The following FCHSD2 variants were observed in gnomAD, a reference collection of about 807,000 sequenced individuals.
The protein encoded by FCHSD2 is FCH and double SH3 domains 2.
In FCHSD2, 38 loss-of-function variants were observed where a neutral mutation model predicts 108.1. The observed-to-expected ratio is 0.35, with a 90% CI of 0.27 to 0.46. The LOEUF is 0.46. FCHSD2 is among the 20% of genes least tolerant of loss of function. The probability of loss-of-function intolerance (pLI) is 1.00; values close to 1 mark genes in which losing one functional copy is unlikely to be tolerated. For missense variants in FCHSD2, 751 were observed against 897.8 expected, an observed-to-expected ratio of 0.84 and a Z score of 2.09; for synonymous variants, 279 against 314.7, an observed-to-expected ratio of 0.89 and a Z score of 1.20.
rs80174420 is a variant in FCHSD2 at position 72,959,974 on chromosome 11, G to A, written c.705+24114C>T. Among the ~76,000 whole-genome samples, 23 of 151,996 alleles carry A rather than the reference G, an allele frequency of 1.5e-4. No individual in the cohort carries two copies. In the East Asian group the frequency reaches 3.3e-3, roughly 22 times the overall value. On this transcript the variant is annotated intron_variant, in intron 8 of 19. Coordinates refer to ENST00000409418, the MANE Select transcript of FCHSD2 (RefSeq NM_014824.3). ...ATGGTTTTAAAAGCACAGATATATAGGAAGAAACCTACACACTTCAAACAC... is the reference window on the plus strand; with the variant it reads ...ATGGTTTTAAAAGCACAGATATATAAGAAGAAACCTACACACTTCAAACAC...
At chr11:73,056,684 A>AT (rs1365139970) in intron 3 of FCHSD2, among the ~76,000 whole-genome samples, 3 of 152,368 alleles carry the variant, frequency 2.0e-5, no homozygotes, top group Non-Finnish European at 4.4e-5. Context: ...AGAAGAGAGC[A>AT]TAACAGAACA....
intron 3 of FCHSD2, among the ~76,000 whole-genome samples, chr11:73,080,941 T>C (rs939303226): frequency 6.6e-6 from 1 of 151,236 alleles, no homozygotes; most frequent in African/African-American, 2.4e-5. Context: ...AGAGCAAGAC[T>C]CTGTCTCAAA....
intron 12 of FCHSD2, among the ~76,000 whole-genome samples, chr11:72,887,197 T>A (rs982194139): frequency 6.6e-6 from 1 of 152,130 alleles, no homozygotes; most frequent in African/African-American, 2.4e-5. Context: ...TGGTTTATTA[T>A]GTACCTTTTA....
intron 19 of FCHSD2, 47 bp from the exon 20 acceptor site, chr11:72,838,921 G>T: frequency 6.6e-7 from 1 of 1,508,012 alleles, no homozygotes. Flanking sequence ...TCCTGACTCA[G>T]TATCTGAAGC....
intron 13 of FCHSD2, among the ~76,000 whole-genome samples, chr11:72,851,222 C>A (rs553431131): frequency 6.6e-6 from 1 of 151,788 alleles, no homozygotes; most frequent in African/African-American, 2.4e-5. Flanking sequence ...AACCTGTTCA[C>A]TGAAATTAAA....
intron 3 of FCHSD2, among the ~76,000 whole-genome samples, chr11:73,058,995 A>G (rs984248534): frequency 3.6e-4 from 55 of 152,190 alleles, no homozygotes; most frequent in African/African-American, 1.3e-3. Flanking sequence ...CATAAGGTGA[A>G]ATAGACTCAA....
chr11:72,926,817 C>T (rs1352608757), intron 8 of FCHSD2, among the ~76,000 whole-genome samples: 1 of 152,132 alleles, frequency 6.6e-6, no homozygotes, highest in African/African-American at 2.4e-5. Flanking sequence ...AAATACTGAA[C>T]TTTTGTTGAT....
chr11:72,838,946 A>C, intron 19 of FCHSD2, 72 bp from the exon 20 acceptor site: 6 of 1,383,612 alleles, frequency 4.3e-6, no homozygotes, highest in Non-Finnish European at 6.1e-6. Context: ...CCAAAACCTA[A>C]TCACTCATCT....
chr11:73,087,683 C>A (rs1419353692), intron 2 of FCHSD2, among the ~76,000 whole-genome samples: 9 of 146,888 alleles, frequency 6.1e-5, no homozygotes, highest in Middle Eastern at 3.2e-3. Context: ...CCAGCCTGGG[C>A]AACAGAGCGA....
intron 12 of FCHSD2, among the ~76,000 whole-genome samples, chr11:72,886,637 G>A (rs1261338747): frequency 1.3e-5 from 2 of 152,132 alleles, no homozygotes; most frequent in African/African-American, 4.8e-5. Context: ...TTGCTGCTGA[G>A]TAGATAAAAG....
intron 12 of FCHSD2, among the ~76,000 whole-genome samples, chr11:72,886,867 C>A (rs991215567): frequency 6.6e-6 from 1 of 152,182 alleles, no homozygotes; most frequent in Non-Finnish European, 1.5e-5. Context: ...AAACACTACA[C>A]AAAATGTACA....
chr11:73,127,573 T>A (rs1860888010), intron 2 of FCHSD2, among the ~76,000 whole-genome samples: 1 of 152,192 alleles, frequency 6.6e-6, no homozygotes, highest in African/African-American at 2.4e-5. Flanking sequence ...TAGAATGGCA[T>A]CTGTGGGGCT....
intron 12 of FCHSD2, among the ~76,000 whole-genome samples, chr11:72,886,563 A>G (rs1301885114): frequency 6.6e-6 from 1 of 152,178 alleles, no homozygotes; most frequent in East Asian, 1.9e-4. Context: ...CAAGAACCTA[A>G]TCTTTTAATG....
intron 10 of FCHSD2, among the ~76,000 whole-genome samples, chr11:72,896,354 T>C (rs1211974260): frequency 6.6e-6 from 1 of 152,216 alleles, no homozygotes; most frequent in Non-Finnish European, 1.5e-5. Flanking sequence ...TTATCTAAGT[T>C]TTGTGGACAT....
chr11:72,866,362 C>T (rs560940923), intron 13 of FCHSD2, among the ~76,000 whole-genome samples: 22 of 152,144 alleles, frequency 1.4e-4, no homozygotes, highest in African/African-American at 4.1e-4. Context: ...CTCTGCCTCC[C>T]GGGTTCAAGC....
chr11:72,888,700 C>T (rs991469868), intron 11 of FCHSD2, among the ~76,000 whole-genome samples: 138 of 151,626 alleles, frequency 9.1e-4, no homozygotes, highest in Non-Finnish European at 1.1e-3. Flanking sequence ...CTCAATGTAA[C>T]CTCCACCTCC....
At chr11:73,015,264 C>A (rs1857945121) in intron 4 of FCHSD2, among the ~76,000 whole-genome samples, 1 of 152,234 alleles carries the variant, frequency 6.6e-6, no homozygotes, top group South Asian at 2.1e-4. Context: ...TATTAACTAG[C>A]CACGTCTAAA....
chr11:72,912,731 C>A (rs1855788723), intron 9 of FCHSD2, among the ~76,000 whole-genome samples: 1 of 152,112 alleles, frequency 6.6e-6, no homozygotes, highest in Non-Finnish European at 1.5e-5. Context: ...TGATAAAATT[C>A]AGCAGCAAAG....
rs139395844 is a variant in FCHSD2, at chr11:73,127,468, A to C, written c.119+12563T>G. Among the ~76,000 whole-genome samples, 990 of 152,304 alleles carry C rather than the reference A, an allele frequency of 6.5e-3. 19 individuals carry two copies. Among genetic ancestry groups the C allele is most frequent in the Non-Finnish European group, 5.1e-3 (348 of 68,034 alleles). ...TACAAGTTTCTGTGCCTAGATCCCT[A>C]ATTAGTTACTGAAAAGCCAAGAACA... On this transcript the variant is annotated intron_variant, in intron 2 of 19. Transcript: ENST00000409418.
Sources: allele counts gnomAD v4.1 joint callset (sites outside exome capture counted in the v4.1 genomes callset), GRCh38; gene constraint gnomAD v4.1.1; transcripts MANE v1.5; gene names NCBI Gene and HGNC (gene_info 2026-07-23, HGNC 2026-07-21).